MAP4K3: variants seen among roughly 807,000 people sequenced by gnomAD.
The protein encoded by MAP4K3 is mitogen-activated protein kinase kinase kinase kinase 3, also known as MAPK/ERK kinase kinase kinase 3.
Under a neutral mutation model 143.5 loss-of-function variants are expected in MAP4K3, and 94 were observed. The observed-to-expected ratio is 0.65, with a 90% CI of 0.55 to 0.78. MAP4K3 has a LOEUF of 0.78. MAP4K3 is among the 30% of genes least tolerant of loss of function. The pLI, the probability that MAP4K3 is intolerant of heterozygous loss-of-function variation, is 0.00. For synonymous variants in MAP4K3, 416 were observed against 347.2 expected, an observed-to-expected ratio of 1.20 and a Z score of -2.20; for missense variants, 1,077 against 1,068.1, an observed-to-expected ratio of 1.01 and a Z score of -0.12.
At chr2:39,349,375 T>C (rs1665384463) in intron 3 of MAP4K3, among the ~76,000 whole-genome samples, 1 of 152,174 alleles carries the variant, frequency 6.6e-6, no homozygotes, top group Admixed American at 6.5e-5. Context: ...AAGGATGCTG[T>C]ACTCAGGGGG....
At chr2:39,263,290 T>C (rs1680637462) in intron 28 of MAP4K3, among the ~76,000 whole-genome samples, 1 of 150,076 alleles carries the variant, frequency 6.7e-6, no homozygotes, top group African/African-American at 2.4e-5. Context: ...TTTTTTTTTT[T>C]GAGACGGAGT....
At chr2:39,357,428 G>A (rs187507367) in intron 2 of MAP4K3, among the ~76,000 whole-genome samples, 1 of 152,322 alleles carries the variant, frequency 6.6e-6, no homozygotes, top group African/African-American at 2.4e-5. Context: ...GGTCATTGTG[G>A]TAAGCCCTGA....
chr2:39,385,918 C>T (rs1392188763), intron 1 of MAP4K3, among the ~76,000 whole-genome samples: 1 of 152,164 alleles, frequency 6.6e-6, no homozygotes, highest in Non-Finnish European at 1.5e-5. Flanking sequence ...AGGCATGAGC[C>T]ACTGCACCCA....
At chr2:39,361,619 T>G (rs1261079024) in intron 2 of MAP4K3, among the ~76,000 whole-genome samples, 1 of 151,782 alleles carries the variant, frequency 6.6e-6, no homozygotes, top group Non-Finnish European at 1.5e-5. Flanking sequence ...AGAATAAGCT[T>G]TAAAACCCAT....
chr2:39,379,104 G>C (rs1343068261), intron 1 of MAP4K3, among the ~76,000 whole-genome samples: 1 of 151,902 alleles, frequency 6.6e-6, no homozygotes, highest in Non-Finnish European at 1.5e-5. Flanking sequence ...TTTATTCCTA[G>C]TTGCAACACT....
chr2:39,416,744 C>A (rs955830461), intron 1 of MAP4K3, among the ~76,000 whole-genome samples: 1 of 152,210 alleles, frequency 6.6e-6, no homozygotes, highest in Non-Finnish European at 1.5e-5. Flanking sequence ...CCCTCTTCTT[C>A]CTTAGCATAA....
intron 1 of MAP4K3, among the ~76,000 whole-genome samples, chr2:39,382,665 A>AC (rs759578308): frequency 6.6e-6 from 1 of 152,246 alleles, no homozygotes; most frequent in Non-Finnish European, 1.5e-5. Flanking sequence ...TTTAAATACA[A>AC]AACAAAACAA....
intron 29 of MAP4K3, among the ~76,000 whole-genome samples, chr2:39,258,802 A>G (rs1352182426): frequency 6.6e-6 from 1 of 152,240 alleles, no homozygotes; most frequent in African/African-American, 2.4e-5. Flanking sequence ...GCTGTTGTCA[A>G]TACTACTGGC....
intron 5 of MAP4K3, 24 bp downstream of exon 5, chr2:39,337,502 T>C (rs1437094312): frequency 2.5e-6 from 4 of 1,586,960 alleles, no homozygotes; most frequent in Non-Finnish European, 3.5e-6. Flanking sequence ...AAAAATGTTA[T>C]TTTTGAATTA....
chr2:39,287,202 G>GT (rs940804715), intron 20 of MAP4K3, among the ~76,000 whole-genome samples: 12 of 152,122 alleles, frequency 7.9e-5, no homozygotes, highest in African/African-American at 2.9e-4. Flanking sequence ...ATAAGTGCAT[G>GT]TATTTGTTAG....
intron 2 of MAP4K3, among the ~76,000 whole-genome samples, chr2:39,372,087 C>G (rs1666098302): frequency 1.3e-5 from 2 of 151,588 alleles, no homozygotes; most frequent in African/African-American, 2.4e-5. Flanking sequence ...TTCAGTAAAG[C>G]TGCAGGACAC....
rs982003970 is a variant in MAP4K3 at position 39,260,842 on chromosome 2, A to C, written c.2137-65T>G. ...AAAAACCGAATAATTCTATGAGAAT[A>C]CTATAAAACAGCTTTCTACAATAAA... On this transcript the variant is annotated intron_variant, in intron 28 of 33. Coordinates refer to ENST00000263881, the MANE Select transcript of MAP4K3 (RefSeq NM_003618.4). 9.1e-6 allele frequency: 10 copies of C among 1,096,126 alleles called. No individual in the cohort carries two copies. The Admixed American group carries it at 2.1e-4, about 23-fold the overall frequency. The allele number at this position is 1,096,126 out of a possible 1,614,324, so 67.9% of individuals were successfully genotyped here. A position where few individuals can be genotyped will look rare whatever the true frequency, so the allele number is the denominator to read the frequency against.
At chr2:39,358,360 G>C (rs1665670996) in intron 2 of MAP4K3, among the ~76,000 whole-genome samples, 1 of 152,178 alleles carries the variant, frequency 6.6e-6, no homozygotes, top group African/African-American at 2.4e-5. Flanking sequence ...ACTGTTGACT[G>C]AATCAATCTA....
chr2:39,350,930 G>A (rs534192454), intron 3 of MAP4K3, among the ~76,000 whole-genome samples: 13 of 152,046 alleles, frequency 8.6e-5, no homozygotes, highest in East Asian at 3.9e-4. Flanking sequence ...TCACCTAACC[G>A]GAGACTGAAA....
chr2:39,371,846 C>T (rs1666089714), intron 2 of MAP4K3, among the ~76,000 whole-genome samples: 1 of 151,150 alleles, frequency 6.6e-6, no homozygotes, highest in Non-Finnish European at 1.5e-5. Context: ...CGTATACATA[C>T]ACACACATCT....
intron 1 of MAP4K3, among the ~76,000 whole-genome samples, chr2:39,391,793 T>C (rs565665373): frequency 6.6e-6 from 1 of 152,114 alleles, no homozygotes; most frequent in Non-Finnish European, 1.5e-5. Context: ...CCAAGGCAGA[T>C]CACAACCTAC....
intron 2 of MAP4K3, among the ~76,000 whole-genome samples, chr2:39,363,271 T>C (rs923437107): frequency 1.5e-4 from 23 of 152,080 alleles, no homozygotes; most frequent in African/African-American, 5.3e-4. Flanking sequence ...AGACTACCTA[T>C]GGAATGTAAG....
At chr2:39,311,654 G>T (rs1682941414) in intron 13 of MAP4K3, among the ~76,000 whole-genome samples, 2 of 152,202 alleles carry the variant, frequency 1.3e-5, no homozygotes, top group Admixed American at 6.5e-5. Flanking sequence ...AGGCCTCCTG[G>T]CAAGGAAGTG....
chr2:39,281,887 A>C (rs573391077), intron 22 of MAP4K3, among the ~76,000 whole-genome samples: 1 of 151,802 alleles, frequency 6.6e-6, no homozygotes, highest in Admixed American at 6.6e-5. Context: ...TGCTAATTAA[A>C]AAGTAGAATT....
Sources: allele counts gnomAD v4.1 joint callset (sites outside exome capture counted in the v4.1 genomes callset), GRCh38; gene constraint gnomAD v4.1.1; transcripts MANE v1.5; gene names NCBI Gene and HGNC (gene_info 2026-07-23, HGNC 2026-07-21).